Variants in LRRTM4 observed in about 807,000 individuals in gnomAD.
The protein encoded by LRRTM4 is leucine rich repeat transmembrane neuronal 4.
LRRTM4 carries 25 observed loss-of-function variants against 47.6 expected under a neutral mutation model. The observed-to-expected ratio is 0.53, with a 90% CI of 0.38 to 0.73. The LOEUF (loss-of-function observed/expected upper bound fraction) is 0.73, where lower values mean the gene tolerates loss of function less well. LRRTM4 is among the 30% of genes least tolerant of loss of function. LRRTM4 has a pLI of 0.00. For missense variants in LRRTM4, 638 were observed against 713.4 expected (o/e 0.89, Z 1.20); for synonymous variants, 311 against 269.5 (o/e 1.15, Z -1.51).
chr2:77,475,014 A>G (rs1677331320), intron 3 of LRRTM4, among the ~76,000 whole-genome samples: 1 of 152,136 alleles, frequency 6.6e-6, no homozygotes, highest in Admixed American at 6.6e-5. Flanking sequence ...AAGTGGGAGA[A>G]AGAAGGAAGT....
intron 3 of LRRTM4, among the ~76,000 whole-genome samples, chr2:76,857,512 CTA>C (rs2103995748): frequency 6.6e-6 from 1 of 151,952 alleles, no homozygotes; most frequent in South Asian, 2.1e-4. Flanking sequence ...GGATTTTTGA[CTA>C]TGCAGGGAAT....
chr2:76,845,618 T>C (rs951926602), intron 3 of LRRTM4, among the ~76,000 whole-genome samples: 12 of 152,154 alleles, frequency 7.9e-5, no homozygotes, highest in African/African-American at 2.7e-4. Context: ...ACTAAAAATA[T>C]ATTCTTCTGT....
chr2:77,257,717 AACACACACAC>A (rs57315997), intron 3 of LRRTM4, among the ~76,000 whole-genome samples: 210 of 146,902 alleles, frequency 1.4e-3, no homozygotes, highest in African/African-American at 5.1e-3. Context: ...TTAAAAATAC[AACACACACAC>A]ACACACACAC....
chr2:76,863,816 A>AAGG (rs1558699972), intron 3 of LRRTM4, among the ~76,000 whole-genome samples: 1 of 152,176 alleles, frequency 6.6e-6, no homozygotes, highest in African/African-American at 2.4e-5. Flanking sequence ...CATGATATAG[A>AAGG]AGGCAAAGTA....
At chr2:77,393,394 A>C (rs1673579748) in intron 3 of LRRTM4, among the ~76,000 whole-genome samples, 1 of 151,978 alleles carries the variant, frequency 6.6e-6, no homozygotes, top group African/African-American at 2.4e-5. Flanking sequence ...CATAAGAGAA[A>C]AGGTACATAA....
chr2:77,261,043 G>T (rs1259070755), intron 3 of LRRTM4, among the ~76,000 whole-genome samples: 1 of 152,060 alleles, frequency 6.6e-6, no homozygotes, highest in African/African-American at 2.4e-5. Flanking sequence ...AGTATTGTGT[G>T]TAGCCTATAG....
intron 3 of LRRTM4, among the ~76,000 whole-genome samples, chr2:76,946,999 G>A (rs1003139867): frequency 1.3e-5 from 2 of 151,812 alleles, no homozygotes; most frequent in African/African-American, 2.4e-5. Context: ...CCTGAGTGAA[G>A]AGAATAATTA....
rs200942931 is a variant in LRRTM4 at position 76,830,515 on chromosome 2, C to T, written c.1552-81599G>A. Among the ~76,000 whole-genome samples the T allele has an allele frequency of 4.4e-4, 64 of 144,084 alleles. No individual in the cohort carries two copies. In the East Asian group the frequency reaches 4.8e-3, roughly 11 times the overall value. 94.5% of individuals were successfully genotyped at this position (144,084 alleles called of 152,430 possible). ...AGTTGTCTATGTGTGGCAGTGTGTGCGTGTGTGTGTGTGTGTGTGTGTGTG... is the reference window on the plus strand; with the variant it reads ...AGTTGTCTATGTGTGGCAGTGTGTGTGTGTGTGTGTGTGTGTGTGTGTGTG... On this transcript the variant is annotated intron_variant, in intron 3 of 3. Coordinates refer to ENST00000409884, the MANE Select transcript of LRRTM4 (RefSeq NM_001134745.3).
intron 3 of LRRTM4, among the ~76,000 whole-genome samples, chr2:76,768,594 A>C (rs896398354): frequency 6.6e-6 from 1 of 152,108 alleles, no homozygotes; most frequent in African/African-American, 2.4e-5. Flanking sequence ...AAATGTCCTA[A>C]ATTTATATAT....
At chr2:76,954,464 T>A (rs1388914953) in intron 3 of LRRTM4, among the ~76,000 whole-genome samples, 3 of 151,266 alleles carry the variant, frequency 2.0e-5, no homozygotes, top group African/African-American at 7.3e-5. Context: ...ATCAACAGAC[T>A]TGAAGATAGG....
chr2:77,192,501 A>C (rs1265813793), intron 3 of LRRTM4, among the ~76,000 whole-genome samples: 1 of 152,308 alleles, frequency 6.6e-6, no homozygotes, highest in African/African-American at 2.4e-5. Context: ...AGTTGACTGA[A>C]TCACTCTTCT....
Position 76,783,811 on chromosome 2 carries a change from C to T in LRRTM4, c.1552-34895G>A, listed in dbSNP as rs185611004. On this transcript the variant is annotated intron_variant, in intron 3 of 3. Transcript: ENST00000409884. ...AGATCAGACAAGTAAAAAAGAAATT[C>T]AGCAGTGCCGTATATTTTAATTGCA... 1.0e-3 allele frequency among the ~76,000 whole-genome samples: 159 copies of T among 152,130 alleles called. 1 individual carries two copies. Among genetic ancestry groups the T allele is most frequent in the Non-Finnish European group, 1.3e-3 (87 of 67,998 alleles).
chr2:77,148,361 T>C (rs1408846771), intron 3 of LRRTM4, among the ~76,000 whole-genome samples: 2 of 152,150 alleles, frequency 1.3e-5, no homozygotes, highest in Admixed American at 6.6e-5. Context: ...TCAATTGAGT[T>C]GGGGACTTTC....
intron 3 of LRRTM4, among the ~76,000 whole-genome samples, chr2:77,082,940 T>C: frequency 6.6e-6 from 1 of 152,128 alleles, no homozygotes; most frequent in Non-Finnish European, 1.5e-5. Flanking sequence ...TTTAAAATAA[T>C]TTCATGCCCT....
intron 3 of LRRTM4, among the ~76,000 whole-genome samples, chr2:77,261,581 A>T (rs1445953842): frequency 6.6e-6 from 1 of 152,012 alleles, no homozygotes; most frequent in East Asian, 1.9e-4. Context: ...ATTTTTTTTA[A>T]TTGCTAAACC....
chr2:76,751,773 C>T (rs992404868), intron 3 of LRRTM4, among the ~76,000 whole-genome samples: 1 of 152,042 alleles, frequency 6.6e-6, no homozygotes, highest in African/African-American at 2.4e-5. Context: ...CACTTATACT[C>T]CAAGAAAGCA....
intron 3 of LRRTM4, among the ~76,000 whole-genome samples, chr2:77,010,266 T>G (rs929253661): frequency 6.6e-6 from 1 of 152,016 alleles, no homozygotes; most frequent in Non-Finnish European, 1.5e-5. Context: ...ATATTTGTGT[T>G]GTTTGATTAA....
At chr2:76,838,081 TATAATAATA>T (rs569558033) in intron 3 of LRRTM4, among the ~76,000 whole-genome samples, 3 of 142,840 alleles carry the variant, frequency 2.1e-5, no homozygotes, top group African/African-American at 7.6e-5. Context: ...AAACTTAAAG[TATAATAATA>T]ATAATAATAA....
intron 3 of LRRTM4, among the ~76,000 whole-genome samples, chr2:76,926,883 G>T (rs916181722): frequency 9.9e-5 from 15 of 152,156 alleles, no homozygotes; most frequent in South Asian, 6.2e-4. Context: ...TTACACTAAA[G>T]TTCCCTAAAA....
Sources: allele counts gnomAD v4.1 joint callset (sites outside exome capture counted in the v4.1 genomes callset), GRCh38; gene constraint gnomAD v4.1.1; transcripts MANE v1.5; gene names NCBI Gene and HGNC (gene_info 2026-07-23, HGNC 2026-07-21).